Variants in MBD5 observed in about 807,000 individuals in gnomAD.
The protein encoded by MBD5 is methyl-CpG binding domain protein 5, also known as methyl-CpG-binding domain protein 5.
MBD5 carries 13 observed loss-of-function variants against 117.3 expected under a neutral mutation model. The observed-to-expected ratio is 0.11, with a 90% CI of 0.07 to 0.18. The LOEUF (loss-of-function observed/expected upper bound fraction) is 0.18, where lower values mean the gene tolerates loss of function less well. Among genes scored for constraint, MBD5 ranks in the 10% least tolerant of loss-of-function variants. The probability of loss-of-function intolerance (pLI) is 1.00; values close to 1 mark genes in which losing one functional copy is unlikely to be tolerated. For missense variants in MBD5, 1,879 were observed against 2,093.8 expected, an observed-to-expected ratio of 0.90 and a Z score of 2.00; for synonymous variants, 727 against 766.4, an observed-to-expected ratio of 0.95 and a Z score of 0.85.
chr2:148,435,599 C>A (rs923018522), intron 4 of MBD5, among the ~76,000 whole-genome samples: 1 of 152,116 alleles, frequency 6.6e-6, no homozygotes, highest in Admixed American at 6.6e-5. Context: ...AGGGTTTCTG[C>A]TGAAAGGTCT....
At chr2:148,065,609 T>C (rs1695167101) in intron 1 of MBD5, among the ~76,000 whole-genome samples, 2 of 152,240 alleles carry the variant, frequency 1.3e-5, no homozygotes, top group Non-Finnish European at 2.9e-5. Context: ...CATAGTTTAA[T>C]GAAAGATCAT....
intron 12 of MBD5, among the ~76,000 whole-genome samples, chr2:148,503,656 T>C (rs13034925): frequency 0.045 from 6,816 of 152,214 alleles, 193 homozygotes; most frequent in African/African-American, 0.073. Flanking sequence ...CTTTAAAAGG[T>C]AGCAAATTGG....
At chr2:148,323,086 A>G (rs1030251722) in intron 3 of MBD5, among the ~76,000 whole-genome samples, 4 of 151,510 alleles carry the variant, frequency 2.6e-5, no homozygotes, top group Non-Finnish European at 5.9e-5. Context: ...AGGAATGAGA[A>G]TATGCGGTGT....
intron 8 of MBD5, among the ~76,000 whole-genome samples, chr2:148,482,201 CT>C (rs1447413442): frequency 2.0e-5 from 3 of 152,038 alleles, no homozygotes; most frequent in Non-Finnish European, 4.4e-5. Context: ...TGGAATTTCA[CT>C]TTTAAGAATT....
chr2:148,345,308 T>TAC (rs1035901097), intron 4 of MBD5, among the ~76,000 whole-genome samples: 8 of 146,608 alleles, frequency 5.5e-5, no homozygotes, highest in African/African-American at 1.9e-4. Context: ...TGGGTATATA[T>TAC]ACACACACAT....
At chr2:148,227,905 GCTCT>G (rs1465746440) in intron 2 of MBD5, among the ~76,000 whole-genome samples, 1 of 151,918 alleles carries the variant, frequency 6.6e-6, no homozygotes, top group South Asian at 2.1e-4. Flanking sequence ...TCATGATTTG[GCTCT>G]CTGTCTGTTA....
chr2:148,279,335 C>T (rs773781251), intron 3 of MBD5, among the ~76,000 whole-genome samples: 3 of 152,130 alleles, frequency 2.0e-5, no homozygotes, highest in Admixed American at 6.5e-5. Context: ...AAGGTCAAGT[C>T]GGCAGGATCG....
rs1484563360 is a variant in MBD5, at chr2:148,490,086, G to T, written c.4454G>T (p.Arg1485Ile). 6.2e-7 allele frequency: 1 copy of T among 1,613,942 alleles called. No individual in the cohort carries two copies. Among genetic ancestry groups the T allele is most frequent in the Non-Finnish European group, 8.5e-7 (1 of 1,180,020 alleles). ...GEQHPILLPP[R>I]NCPGDKILEE... is the part of the protein sequence containing the mutation. ...CAGCACCCAATACTGTTACCACCAA[G>T]AAACTGTCCAGGGGATAAAATTCTA... The change falls in exon 11 of 14, where the codon AGA becomes ATA. Residue 1485 changes from arginine (R) to isoleucine (I), a missense_variant. This residue lies in a region of MBD5 where 1,666 missense variants were observed against 1,792.2 expected (regional missense o/e 0.93). Transcript: ENST00000642680.
intron 4 of MBD5, among the ~76,000 whole-genome samples, chr2:148,389,133 T>G (rs1439723510): frequency 6.7e-6 from 1 of 149,704 alleles, no homozygotes; most frequent in Non-Finnish European, 1.5e-5. Flanking sequence ...GCTCCATCCA[T>G]GTTGCTGCAA....
chr2:148,097,665 A>G (rs1299998677), intron 1 of MBD5, among the ~76,000 whole-genome samples: 2 of 152,176 alleles, frequency 1.3e-5, no homozygotes, highest in Non-Finnish European at 2.9e-5. Context: ...TATTTCCCCA[A>G]CCAAACTGGA....
chr2:148,303,317 CA>C (rs1478008527), intron 3 of MBD5, among the ~76,000 whole-genome samples: 5 of 152,258 alleles, frequency 3.3e-5, no homozygotes, highest in Non-Finnish European at 1.5e-5. Flanking sequence ...ATATTCTAAA[CA>C]AAGGCACAGC....
intron 1 of MBD5, among the ~76,000 whole-genome samples, chr2:148,048,163 G>T (rs1469511526): frequency 6.6e-6 from 1 of 152,052 alleles, no homozygotes. Context: ...TTCAAAAAAA[G>T]GTTACTAACT....
At chr2:148,491,686 G>A (rs547803497) in intron 11 of MBD5, among the ~76,000 whole-genome samples, 1 of 151,836 alleles carries the variant, frequency 6.6e-6, no homozygotes, top group African/African-American at 2.4e-5. Flanking sequence ...GATACACTCT[G>A]GCCATAATGT....
Position 148,489,791 on chromosome 2 carries a change from C to A in MBD5, c.4159C>A (p.His1387Asn), listed in dbSNP as rs2105127038. 1 of 1,614,090 alleles carries A rather than the reference C, an allele frequency of 6.2e-7. No individual in the cohort carries two copies. The change falls in exon 11 of 14, where the codon CAT (histidine) becomes AAT (asparagine). Residue 1387 changes from histidine (H) to asparagine (N), a missense_variant. Physicochemically the swap from His to Asn is moderately conservative, Grantham distance 68 (BLOSUM62 1). Around this residue, in one of 4 missense-constraint regions of MBD5, gnomAD observed 1,666 missense variants for 1,792.2 expected, o/e 0.93. Transcript: ENST00000642680. ...IHGRNMGGVD[H>N]DGRLRNSRGA... The stretch of plus-strand genomic sequence containing the variant: ...TGGACGGAACATGGGAGGTGTTGAT[C>A]ATGATGGTAGGCTGAGGAATTCAAG...
At chr2:148,382,066 C>A (rs1704163247) in intron 4 of MBD5, among the ~76,000 whole-genome samples, 1 of 152,066 alleles carries the variant, frequency 6.6e-6, no homozygotes, top group Non-Finnish European at 1.5e-5. Context: ...AGCGAAATAA[C>A]CAGCTAACAT....
chr2:148,478,997 C>A (rs1043564951), intron 8 of MBD5, among the ~76,000 whole-genome samples: 1 of 152,174 alleles, frequency 6.6e-6, no homozygotes, highest in Non-Finnish European at 1.5e-5. Context: ...CACGGTTTAA[C>A]AGACCATAGG....
intron 4 of MBD5, among the ~76,000 whole-genome samples, chr2:148,360,912 A>C (rs1170986449): frequency 3.3e-5 from 5 of 152,222 alleles, no homozygotes; most frequent in African/African-American, 1.2e-4. Context: ...TTTAGCTCAG[A>C]CTAGGTAAGT....
chr2:148,341,849 T>TAAAAATATTGTTGA (rs371930623), intron 3 of MBD5, among the ~76,000 whole-genome samples: 26,867 of 151,790 alleles, frequency 0.18, 2,517 homozygotes, highest in Non-Finnish European at 0.18. Flanking sequence ...GTTGAATAAA[T>TAAAAATATTGTTGA]ATCAAATAAA....
At chr2:148,345,642 CACGT>C in intron 4 of MBD5, among the ~76,000 whole-genome samples, 1 of 105,026 alleles carries the variant, frequency 9.5e-6, no homozygotes, top group Non-Finnish European at 2.2e-5. Context: ...TATGTATATA[CACGT>C]ATACATATAC....
Sources: gnomAD v4.1 joint callset for allele counts (sites outside exome capture counted in the v4.1 genomes callset) on GRCh38, gnomAD v4.1.1 for gene constraint, gnomAD v4.1.1 regional missense constraint, MANE v1.5 for transcripts, NCBI Gene and HGNC (gene_info 2026-07-23, HGNC 2026-07-21) for gene names.